The following PSMA8 variants were observed in gnomAD, a reference collection of about 807,000 sequenced individuals.
The protein encoded by PSMA8 is proteasome subunit alpha-type 8.
Under a neutral mutation model 32.4 loss-of-function variants are expected in PSMA8, and 18 were observed. The observed-to-expected ratio is 0.56, with a 90% CI of 0.38 to 0.82. The LOEUF is 0.82. PSMA8 is among the 40% of genes least tolerant of loss of function. PSMA8 has a pLI of 0.00. For missense variants in PSMA8, 298 were observed against 300.7 expected (o/e 0.99, Z 0.07); for synonymous variants, 104 against 98.1 (o/e 1.06, Z -0.36).
chr18:26,173,500 T>G (rs1291574571), intron 4 of PSMA8, among the ~76,000 whole-genome samples: 1 of 152,182 alleles, frequency 6.6e-6, no homozygotes, highest in African/African-American at 2.4e-5. Flanking sequence ...TTACCTTGTT[T>G]ATTATCTATC....
intron 4 of PSMA8, among the ~76,000 whole-genome samples, chr18:26,173,329 T>C (rs1237884570): frequency 6.6e-6 from 1 of 152,182 alleles, no homozygotes; most frequent in African/African-American, 2.4e-5. Context: ...GCCCAGAGCT[T>C]GCATGATATC....
At chr18:26,148,148 A>G (rs1247775198) in intron 2 of PSMA8, among the ~76,000 whole-genome samples, 1 of 152,184 alleles carries the variant, frequency 6.6e-6, no homozygotes, top group East Asian at 1.9e-4. Flanking sequence ...AAAGTTAAGG[A>G]GTAAACACTT....
At chr18:26,140,039 T>C (rs1255395581) in intron 1 of PSMA8, 1 of 702,920 alleles carries the variant, frequency 1.4e-6, no homozygotes, top group South Asian at 1.5e-5. Flanking sequence ...TTTCTTCCTT[T>C]GGTAGTATCA....
rs1027741047 is a variant in PSMA8 at position 26,153,811 on chromosome 18, T to C, written c.354+1829T>C. On this transcript the variant is annotated intron_variant, in intron 3 of 6. Coordinates refer to ENST00000415576, the MANE Select transcript of PSMA8 (RefSeq NM_001025096.2). ...GAGCATCACAATAATATGAACTTCG[T>C]TGGCTCGCATTATAGAGTAAATGAT... 1.8e-4 allele frequency among the ~76,000 whole-genome samples: 27 copies of C among 152,242 alleles called. 1 individual carries two copies. The highest frequency in any genetic ancestry group is 4.1e-4 in the South Asian group (2 of 4,832).
At chr18:26,182,361 AG>A (rs2055318712) in intron 6 of PSMA8, among the ~76,000 whole-genome samples, 1 of 152,244 alleles carries the variant, frequency 6.6e-6, no homozygotes, top group Non-Finnish European at 1.5e-5. Context: ...CCTGGCTTCA[AG>A]GGACGGACTG....
chr18:26,164,901 G>GT (rs1421043293), intron 4 of PSMA8, among the ~76,000 whole-genome samples: 33 of 151,778 alleles, frequency 2.2e-4, no homozygotes, highest in African/African-American at 7.0e-4. Flanking sequence ...GGAGTTTTTG[G>GT]TTTTTTTGTT....
chr18:26,179,635 A>AGAGG (rs1568069603), intron 6 of PSMA8, among the ~76,000 whole-genome samples: 1 of 152,236 alleles, frequency 6.6e-6, no homozygotes, highest in Non-Finnish European at 1.5e-5. Context: ...ATATTGTGAT[A>AGAGG]GAGGACCCAC....
chr18:26,192,148 A>G (rs755565354), intron 6 of PSMA8, among the ~76,000 whole-genome samples, 171 bp from the exon 7 acceptor site: 2 of 152,204 alleles, frequency 1.3e-5, no homozygotes, highest in African/African-American at 4.8e-5. Flanking sequence ...TTTGCCCATA[A>G]TTGTTATTGC....
intron 2 of PSMA8, among the ~76,000 whole-genome samples, chr18:26,145,308 G>A (rs1279108079): frequency 2.0e-5 from 3 of 152,032 alleles, no homozygotes; most frequent in Non-Finnish European, 1.5e-5. Context: ...AGTGGAGACG[G>A]GGTTTCTCCA....
At chr18:26,135,680 G>C (rs2054905668) in intron 1 of PSMA8, among the ~76,000 whole-genome samples, 1 of 152,152 alleles carries the variant, frequency 6.6e-6, no homozygotes, top group African/African-American at 2.4e-5. Context: ...CCAAGTTTTA[G>C]AGCCTAAAAT....
At chr18:26,162,117 T>C (rs953565797) in intron 4 of PSMA8, among the ~76,000 whole-genome samples, 3 of 152,236 alleles carry the variant, frequency 2.0e-5, no homozygotes, top group Non-Finnish European at 2.9e-5. Flanking sequence ...ATGATTTAAA[T>C]CAAGCTAATT....
chr18:26,136,072 G>A (rs2054909316), intron 1 of PSMA8, among the ~76,000 whole-genome samples: 2 of 152,140 alleles, frequency 1.3e-5, no homozygotes, highest in Admixed American at 6.5e-5. Flanking sequence ...GTTTTGACCA[G>A]TATGTAGATG....
chr18:26,179,595 A>G (rs1414637118), intron 6 of PSMA8, among the ~76,000 whole-genome samples: 1 of 151,990 alleles, frequency 6.6e-6, no homozygotes, highest in African/African-American at 2.4e-5. Context: ...ATGGGTTAAA[A>G]CTGCTGGACT....
rs1212920560 is a variant in PSMA8 at position 26,152,684 on chromosome 18, G to C, written c.354+702G>C. On this transcript the variant is annotated intron_variant, in intron 3 of 6. Coordinates refer to ENST00000415576, the MANE Select transcript of PSMA8 (RefSeq NM_001025096.2). ...TTGAATGTGTCCCCCAAAAGTTTGG[G>C]TTAGAAACTTAATCCCTGATGTCAC... Among the ~76,000 whole-genome samples the C allele has an allele frequency of 2.6e-5, 4 of 152,168 alleles. No individual in the cohort carries two copies. The East Asian group carries it at 7.7e-4, about 29-fold the overall frequency.
chr18:26,176,205 G>A (rs2055262789), intron 4 of PSMA8, among the ~76,000 whole-genome samples: 1 of 152,170 alleles, frequency 6.6e-6, no homozygotes, highest in African/African-American at 2.4e-5. Context: ...AAGAGTTAAA[G>A]ATTTTGACAT....
At chr18:26,177,543 T>G (rs1428284152) in intron 4 of PSMA8, among the ~76,000 whole-genome samples, 1 of 152,190 alleles carries the variant, frequency 6.6e-6, no homozygotes, top group South Asian at 2.1e-4. Flanking sequence ...AAATTTAAAA[T>G]CTTATTACCA....
chr18:26,178,900 T>A lies in PSMA8; in HGVS notation c.548T>A (p.Ile183Lys). 1 of 1,613,896 alleles carries A rather than the reference T, an allele frequency of 6.2e-7. No individual in the cohort carries two copies. Among genetic ancestry groups the A allele is most frequent in the Non-Finnish European group, 8.5e-7 (1 of 1,179,846 alleles). ...FLEKNYTEDA[I>K]ASDSEAIKLA... Reference sequence around the variant, plus strand: ...GAAAAGAATTACACAGAAGATGCCATAGCAAGTGACAGTGAAGCTATCAAG... The same window carrying A: ...GAAAAGAATTACACAGAAGATGCCAAAGCAAGTGACAGTGAAGCTATCAAG... Residue 183 changes from isoleucine (I) to lysine (K), a missense_variant, in exon 5 of 7, where the codon ATA becomes AAA. Coordinates refer to ENST00000415576, the MANE Select transcript of PSMA8 (RefSeq NM_001025096.2).
intron 3 of PSMA8, among the ~76,000 whole-genome samples, chr18:26,157,070 C>A (rs1387426383): frequency 6.6e-6 from 1 of 151,028 alleles, no homozygotes; most frequent in Admixed American, 6.6e-5. Context: ...CAGGCGTGAG[C>A]CACTGCATCC....
chr18:26,165,591 C>T (rs912368496), intron 4 of PSMA8, among the ~76,000 whole-genome samples: 3 of 151,778 alleles, frequency 2.0e-5, no homozygotes, highest in Admixed American at 1.3e-4. Flanking sequence ...AGATTGGCAA[C>T]GCTATAGGAT....
Sources: allele counts gnomAD v4.1 joint callset (sites outside exome capture counted in the v4.1 genomes callset), GRCh38; gene constraint gnomAD v4.1.1; transcripts MANE v1.5; gene names NCBI Gene and HGNC (gene_info 2026-07-23, HGNC 2026-07-21).